EML6: variants seen among roughly 807,000 people sequenced by gnomAD.
EML6 encodes the protein EMAP like 6, also known as echinoderm microtubule-associated protein-like 6.
A neutral mutation model predicts 240.1 loss-of-function variants in EML6; 154 were observed. That is an observed-to-expected ratio of 0.64 (90% confidence interval 0.56 to 0.73). EML6 has a LOEUF of 0.73. EML6 is among the 30% of genes least tolerant of loss of function. The pLI is 0.00. For synonymous variants in EML6, 1,148 were observed against 899.0 expected (o/e 1.28, Z -4.95); for missense variants, 2,964 against 2,474.6 (o/e 1.20, Z -4.20).
rs1434249569 is a variant in EML6 at position 54,854,572 on chromosome 2, TCAA to T, written c.1657+720_1657+722del. ...TGAAAATCCGATCTTAGAAAAGTAA[TCAA>T]CAGGGACATGCTACTGCCTGAAAAC... On this transcript the variant is annotated intron_variant, in intron 11 of 41. Transcript: ENST00000356458. Among the ~76,000 whole-genome samples, 14 of 152,332 alleles carry T rather than the reference TCAA, an allele frequency of 9.2e-5. No individual in the cohort carries two copies. The South Asian group carries it at 2.9e-3, about 32-fold the overall frequency.
chr2:54,941,531 C>T (rs932619379), intron 28 of EML6, among the ~76,000 whole-genome samples: 3 of 152,202 alleles, frequency 2.0e-5, no homozygotes, highest in African/African-American at 7.2e-5. Flanking sequence ...AACTGACCAT[C>T]CTGCTAAGCT....
chr2:54,961,184 G>GTTGTTGTTTTTT, intron 35 of EML6, among the ~76,000 whole-genome samples: 1 of 55,424 alleles, frequency 1.8e-5, no homozygotes, highest in African/African-American at 8.1e-5. Flanking sequence ...TCAGGAAGTA[G>GTTGTTGTTTTTT]TTTTTTTTTT....
chr2:54,857,158 G>C (rs953491368), intron 11 of EML6, among the ~76,000 whole-genome samples: 1 of 152,196 alleles, frequency 6.6e-6, no homozygotes, highest in Non-Finnish European at 1.5e-5. Flanking sequence ...GAATGTCTCG[G>C]TCTGTTTTCC....
intron 2 of EML6, among the ~76,000 whole-genome samples, chr2:54,766,506 T>C (rs978980116): frequency 1.3e-5 from 2 of 152,192 alleles, no homozygotes; most frequent in East Asian, 3.8e-4. Flanking sequence ...GATGTATTCT[T>C]CTTAGTACAT....
chr2:54,844,565 G>A (rs548081937), intron 8 of EML6, among the ~76,000 whole-genome samples: 6 of 152,270 alleles, frequency 3.9e-5, no homozygotes, highest in African/African-American at 1.2e-4. Flanking sequence ...TTGTCCCCTC[G>A]TGCCCTTGGT....
intron 10 of EML6, among the ~76,000 whole-genome samples, chr2:54,852,298 A>G (rs769105837): frequency 1.3e-5 from 2 of 152,224 alleles, no homozygotes; most frequent in Non-Finnish European, 2.9e-5. Context: ...AAATGTCACA[A>G]ATAAGACTCT....
At chr2:54,967,518 A>C (rs917411188) in intron 39 of EML6, among the ~76,000 whole-genome samples, 1 of 152,166 alleles carries the variant, frequency 6.6e-6, no homozygotes, top group African/African-American at 2.4e-5. Flanking sequence ...TGTGAGTTGA[A>C]AGGAACCCCT....
In EML6 at chr2:54,819,701, G is replaced by A. The variant is rs370113020; in HGVS notation, c.457-693G>A. On this transcript the variant is annotated intron_variant, in intron 4 of 41. Transcript: ENST00000356458. ...TGAGGCAGGAGAATTGCTTGAACCT[G>A]GGAAGCGGAGTTGCAGTGAGCCGAG... Among the ~76,000 whole-genome samples, 5 of 148,888 alleles carry A rather than the reference G, an allele frequency of 3.4e-5. No individual in the cohort carries two copies. The South Asian group carries it at 1.1e-3, about 33-fold the overall frequency.
At chr2:54,834,576 T>C (rs1264552438) in intron 7 of EML6, among the ~76,000 whole-genome samples, 2 of 152,216 alleles carry the variant, frequency 1.3e-5, no homozygotes, top group Admixed American at 6.5e-5. Context: ...TCCTGAAAAG[T>C]ATACTTCAGT....
intron 5 of EML6, 103 bp from the exon 6 acceptor site, chr2:54,827,463 G>A: frequency 1.0e-6 from 1 of 953,800 alleles, no homozygotes; most frequent in Non-Finnish European, 1.6e-6. Flanking sequence ...TGCCTAGCTT[G>A]GATAGAGCAC....
intron 26 of EML6, among the ~76,000 whole-genome samples, chr2:54,925,745 C>T (rs1674510773): frequency 6.6e-6 from 1 of 152,152 alleles, no homozygotes; most frequent in Non-Finnish European, 1.5e-5. Flanking sequence ...TTTTGTAGTA[C>T]CTTAAACCAT....
At position 54,950,717 on chromosome 2, in the gene EML6, A is replaced by G. The variant is rs1189538390; in HGVS notation, c.4151A>G (p.Asn1384Ser). ...TGTCGAAATAACCTGCATTACCTTA[A>G]TGATGGCGCTGACATCATCTTCCAC... ...FDCRNNLHYL[N>S]DGADIIFHTA... Residue 1384 changes from asparagine (N) to serine (S), a missense_variant, in exon 30 of 42, where the codon AAT becomes AGT. By Grantham distance (46) the Asn-to-Ser change is conservative (BLOSUM62 1). Transcript: ENST00000356458. The G allele has an allele frequency of 6.4e-7, 1 of 1,551,658 alleles. No homozygotes were observed. The highest frequency in any genetic ancestry group is 8.7e-7 in the Non-Finnish European group (1 of 1,146,980).
chr2:54,924,510 C>G (rs1674437874), intron 26 of EML6, among the ~76,000 whole-genome samples: 1 of 152,136 alleles, frequency 6.6e-6, no homozygotes, highest in Non-Finnish European at 1.5e-5. Context: ...GCTTAAACTA[C>G]TAGCCAAATA....
At chr2:54,882,251 C>T (rs183847816) in intron 17 of EML6, 34 of 150,764 alleles carry the variant, frequency 2.3e-4, no homozygotes, top group African/African-American at 7.8e-4. Context: ...CGGTTACCTC[C>T]ATTACAAATG....
At chr2:54,964,222 C>T (rs1445970119) in intron 37 of EML6, 64 bp downstream of exon 37, 3 of 1,484,190 alleles carry the variant, frequency 2.0e-6, no homozygotes, top group Non-Finnish European at 2.7e-6. Flanking sequence ...CAGTGGTTCC[C>T]ATTCCAGCCA....
chr2:54,812,124 C>A (rs979765813), intron 2 of EML6, among the ~76,000 whole-genome samples: 3 of 152,154 alleles, frequency 2.0e-5, no homozygotes, highest in African/African-American at 4.8e-5. Context: ...AGTGTTCGCT[C>A]TGTACCGGGC....
Position 54,957,997 on chromosome 2 carries a change from C to T in EML6, c.4694C>T (p.Ala1565Val). 6.5e-7 allele frequency: 1 copy of T among 1,548,888 alleles called. No individual in the cohort carries two copies. The highest frequency in any genetic ancestry group is 8.7e-7 in the Non-Finnish European group (1 of 1,145,030). Reference sequence around the variant, plus strand: ...ACGATGCTCTCCGTGGCCTTCGGTGCTGTGAGTTCTAGCAGATACTCCCTG... The same window carrying T: ...ACGATGCTCTCCGTGGCCTTCGGTGTTGTGAGTTCTAGCAGATACTCCCTG... ...MQTMLSVAFG[A>V]NNLTFTGAIN... Residue 1565 changes from alanine (A) to valine (V), a missense_variant and splice_region_variant, in exon 33 of 42, where the codon GCT becomes GTT. Ala to Val is a moderately conservative substitution (Grantham distance 64). Transcript: ENST00000356458.
At chr2:54,803,490 CT>C (rs1670292221) in intron 2 of EML6, among the ~76,000 whole-genome samples, 1 of 152,130 alleles carries the variant, frequency 6.6e-6, no homozygotes, top group South Asian at 2.1e-4. Context: ...CTCCAAGCCC[CT>C]TTTGTTTGTT....
At chr2:54,782,331 T>G (rs1385516739) in intron 2 of EML6, among the ~76,000 whole-genome samples, 1 of 152,212 alleles carries the variant, frequency 6.6e-6, no homozygotes, top group Admixed American at 6.5e-5. Context: ...ATTTTGGGTT[T>G]TTAAAGTCAA....
Sources: gnomAD v4.1 joint callset for allele counts (sites outside exome capture counted in the v4.1 genomes callset) on GRCh38, gnomAD v4.1.1 for gene constraint, MANE v1.5 for transcripts, NCBI Gene and HGNC (gene_info 2026-07-23, HGNC 2026-07-21) for gene names.